KCTD1: variants seen among roughly 807,000 people sequenced by gnomAD.
KCTD1 encodes potassium channel tetramerization domain containing 1.
KCTD1 carries 24 observed loss-of-function variants against 66.0 expected under a neutral mutation model. That is an observed-to-expected ratio of 0.36 (90% confidence interval 0.26 to 0.51). KCTD1 has a LOEUF of 0.51. KCTD1 is among the 20% of genes least tolerant of loss of function. The probability of loss-of-function intolerance (pLI) is 0.95; values close to 1 mark genes in which losing one functional copy is unlikely to be tolerated. For missense variants in KCTD1, 943 were observed against 1,205.2 expected, an observed-to-expected ratio of 0.78 and a Z score of 3.22; for synonymous variants, 511 against 517.2, an observed-to-expected ratio of 0.99 and a Z score of 0.16.
At position 26,548,297 on chromosome 18, in the gene KCTD1, G is replaced by GTCCTCCTCC; in HGVS notation, c.231_239dup (p.Glu77_Glu79dup). 1 of 1,477,636 alleles carries GTCCTCCTCC rather than the reference G, an allele frequency of 6.8e-7. No homozygotes were observed. The highest frequency in any genetic ancestry group is 1.4e-5 in the African/African-American group (1 of 70,146). 91.5% of individuals were successfully genotyped at this position (1,477,636 alleles called of 1,614,324 possible). A position where few individuals can be genotyped will look rare whatever the true frequency, so the allele number is the denominator to read the frequency against. The stretch of plus-strand genomic sequence containing the variant: ...CGTCCTCCTCCAGCCCCCCACCTCC[G>GTCCTCCTCC]TCCTCCTCCTCCTCCTCGTCCCCCG... On this transcript the variant is annotated inframe_insertion, in exon 1 of 5. Coordinates refer to ENST00000580059, the MANE Select transcript of KCTD1 (RefSeq NM_001142730.3).
At chr18:26,595,609 A>G (rs1330157429) in intron 1 of KCTD1, among the ~76,000 whole-genome samples, 1 of 152,178 alleles carries the variant, frequency 6.6e-6, no homozygotes, top group Non-Finnish European at 1.5e-5. Flanking sequence ...AATCACAGAG[A>G]AGTGCCTATG....
At chr18:26,536,227 G>A (rs1223430369) in intron 1 of KCTD1, among the ~76,000 whole-genome samples, 1 of 152,192 alleles carries the variant, frequency 6.6e-6, no homozygotes, top group Non-Finnish European at 1.5e-5. Context: ...TAATTAACAT[G>A]TGAACTATGA....
At chr18:26,460,717 T>C (rs181840669) in intron 3 of KCTD1, 2 of 152,362 alleles carry the variant, frequency 1.3e-5, no homozygotes, top group African/African-American at 4.8e-5. Context: ...GAACACCTGG[T>C]CTTTTGGCAT....
At chr18:26,622,302 A>C (rs1987403729) in intron 1 of KCTD1, among the ~76,000 whole-genome samples, 1 of 152,204 alleles carries the variant, frequency 6.6e-6, no homozygotes, top group Non-Finnish European at 1.5e-5. Flanking sequence ...TTGAGAAAAC[A>C]CTGGACTAAG....
intron 4 of KCTD1, chr18:26,459,118 A>G (rs1567952723): frequency 6.5e-6 from 1 of 153,336 alleles, no homozygotes; most frequent in Non-Finnish European, 1.5e-5. Flanking sequence ...CTTCAAGCCA[A>G]ACTGGCTTTC....
At chr18:26,473,534 A>G (rs1212261488) in intron 3 of KCTD1, among the ~76,000 whole-genome samples, 2 of 151,430 alleles carry the variant, frequency 1.3e-5, no homozygotes, top group Non-Finnish European at 2.9e-5. Flanking sequence ...AAACCTGCAC[A>G]TCCTGCACAT....
intron 1 of KCTD1, among the ~76,000 whole-genome samples, chr18:26,605,758 A>ATCTATCTATCTATCTATCTATCTATCTG (rs1555646517): frequency 6.9e-6 from 1 of 144,456 alleles, no homozygotes; most frequent in African/African-American, 2.6e-5. Context: ...CTATCTATCT[A>ATCTATCTATCTATCTATCTATCTATCTG]TCTATCTATC....
chr18:26,490,701 C>T (rs1027499890), intron 2 of KCTD1, among the ~76,000 whole-genome samples: 2 of 151,990 alleles, frequency 1.3e-5, no homozygotes, highest in East Asian at 1.9e-4. Context: ...TGCCAGGCAC[C>T]GAAGACTACT....
intron 1 of KCTD1, among the ~76,000 whole-genome samples, chr18:26,656,800 G>C (rs1185263929): frequency 6.6e-6 from 1 of 150,460 alleles, no homozygotes; most frequent in Non-Finnish European, 1.5e-5. Flanking sequence ...TTGGCTCTGG[G>C]CGCCCCCGCG....
intron 3 of KCTD1, among the ~76,000 whole-genome samples, chr18:26,462,863 G>C (rs927921948): frequency 6.6e-6 from 1 of 152,084 alleles, no homozygotes; most frequent in African/African-American, 2.4e-5. Flanking sequence ...ATTTCCTTCA[G>C]GCCTCTGAAT....
upstream of KCTD1, among the ~76,000 whole-genome samples, chr18:26,642,918 G>A (rs528598399): frequency 5.2e-5 from 7 of 134,178 alleles, no homozygotes; most frequent in Admixed American, 2.8e-4. Flanking sequence ...GCCAGATGGC[G>A]GTGGGCGGAG....
intron 1 of KCTD1, among the ~76,000 whole-genome samples, chr18:26,572,715 G>A (rs1325200915): frequency 6.6e-6 from 1 of 152,150 alleles, no homozygotes; most frequent in African/African-American, 2.4e-5. Flanking sequence ...TATTTTTTCA[G>A]GAACTGCCCC....
chr18:26,639,807 C>T (rs1340411424), intron 1 of KCTD1, among the ~76,000 whole-genome samples: 3 of 152,132 alleles, frequency 2.0e-5, no homozygotes, highest in African/African-American at 4.8e-5. Context: ...GAAGCAGCAG[C>T]GTAGGGGTCT....
upstream of KCTD1, among the ~76,000 whole-genome samples, chr18:26,630,327 G>GT (rs1205880446): frequency 5.9e-5 from 9 of 151,626 alleles, no homozygotes; most frequent in South Asian, 8.3e-4. Context: ...GTCTTTTTTT[G>GT]TTTTTTTAGA....
intron 1 of KCTD1, among the ~76,000 whole-genome samples, chr18:26,567,477 CTGT>C (rs71684696): frequency 0.31 from 42,367 of 137,092 alleles, 6,848 homozygotes; most frequent in East Asian, 0.54. Context: ...TGCTGTTGTT[CTGT>C]TGTTGTTGTT....
intron 1 of KCTD1, among the ~76,000 whole-genome samples, chr18:26,580,039 C>T (rs1986317538): frequency 6.6e-6 from 1 of 152,142 alleles, no homozygotes; most frequent in South Asian, 2.1e-4. Context: ...TTTAGTAAGG[C>T]TTTCCATGTT....
intron 3 of KCTD1, among the ~76,000 whole-genome samples, chr18:26,465,301 C>T (rs1479032565): frequency 1.3e-5 from 2 of 152,164 alleles, no homozygotes; most frequent in African/African-American, 4.8e-5. Context: ...CCAGGCTGGT[C>T]TTGAACTCCC....
At chr18:26,495,449 G>GC (rs1982421260) in intron 2 of KCTD1, among the ~76,000 whole-genome samples, 1 of 152,104 alleles carries the variant, frequency 6.6e-6, no homozygotes, top group Non-Finnish European at 1.5e-5. Flanking sequence ...CTGGATTGCT[G>GC]CTGGCAGAGC....
intron 1 of KCTD1, among the ~76,000 whole-genome samples, chr18:26,560,120 G>A (rs371259139): frequency 1.7e-4 from 25 of 145,596 alleles, no homozygotes; most frequent in East Asian, 1.6e-3. Context: ...AATGTTAGCC[G>A]TTACCACCTT....
Sources: gnomAD v4.1 joint callset for allele counts (sites outside exome capture counted in the v4.1 genomes callset) on GRCh38, gnomAD v4.1.1 for gene constraint, MANE v1.5 for transcripts, NCBI Gene and HGNC (gene_info 2026-07-23, HGNC 2026-07-21) for gene names.